Variants in KCNIP4 observed in about 807,000 individuals in gnomAD.
KCNIP4 encodes potassium voltage-gated channel interacting protein 4.
KCNIP4 carries 12 observed loss-of-function variants against 34.0 expected under a neutral mutation model. The ratio of observed to expected loss-of-function variants is 0.35; its 90% CI spans 0.23 to 0.57. KCNIP4 has a LOEUF of 0.57. Among genes scored for constraint, KCNIP4 ranks in the 20% least tolerant of loss-of-function variants. The pLI, the probability that KCNIP4 is intolerant of heterozygous loss-of-function variation, is 0.83. For missense variants in KCNIP4, 238 were observed against 311.7 expected (o/e 0.76, Z 1.78); for synonymous variants, 124 against 102.2 (o/e 1.21, Z -1.29).
At position 21,559,855 on chromosome 4, in the gene KCNIP4, C is replaced by G. The variant is rs1003486014; in HGVS notation, c.61+388716G>C. ...ATCTCTTACTACTTCTATTCTTTCT[C>G]CCATTCTCTCACATGAATAATATCT... On this transcript the variant is annotated intron_variant, in intron 1 of 8. Transcript: ENST00000382152. Among the ~76,000 whole-genome samples the G allele has an allele frequency of 2.0e-5, 3 of 152,084 alleles. No individual in the cohort carries two copies. The South Asian group carries it at 6.2e-4, about 32-fold the overall frequency.
chr4:21,102,752 G>A (rs948487784), intron 1 of KCNIP4, among the ~76,000 whole-genome samples: 3 of 152,172 alleles, frequency 2.0e-5, no homozygotes, highest in Admixed American at 6.5e-5. Flanking sequence ...AACAGTGGCT[G>A]TAAACAAAGC....
At chr4:20,942,923 C>G (rs1281266316) in intron 1 of KCNIP4, among the ~76,000 whole-genome samples, 1 of 152,104 alleles carries the variant, frequency 6.6e-6, no homozygotes, top group Non-Finnish European at 1.5e-5. Context: ...CCACCTGCCT[C>G]GGCCTCTCAA....
At chr4:21,065,305 G>T (rs1216604383) in intron 1 of KCNIP4, among the ~76,000 whole-genome samples, 1 of 152,010 alleles carries the variant, frequency 6.6e-6, no homozygotes, top group African/African-American at 2.4e-5. Flanking sequence ...TGAGTATCTG[G>T]CACAGCCTTG....
At chr4:20,832,734 A>G (rs1718573340) in intron 3 of KCNIP4, among the ~76,000 whole-genome samples, 1 of 152,014 alleles carries the variant, frequency 6.6e-6, no homozygotes, top group African/African-American at 2.4e-5. Context: ...TTTAAAAAAA[A>G]AAAAAAAGGT....
At chr4:21,013,732 C>T (rs1364841196) in intron 1 of KCNIP4, among the ~76,000 whole-genome samples, 3 of 152,080 alleles carry the variant, frequency 2.0e-5, no homozygotes, top group Admixed American at 6.5e-5. Context: ...TATTCTGTGC[C>T]TGAAATTGGA....
At chr4:21,232,832 A>T (rs1179389748) in intron 1 of KCNIP4, among the ~76,000 whole-genome samples, 1 of 152,184 alleles carries the variant, frequency 6.6e-6, no homozygotes, top group African/African-American at 2.4e-5. Context: ...GCAATATGAT[A>T]TCTGTGTACA....
chr4:21,774,836 C>T (rs533606912), intron 1 of KCNIP4, among the ~76,000 whole-genome samples: 1 of 152,244 alleles, frequency 6.6e-6, no homozygotes, highest in East Asian at 1.9e-4. Context: ...TTCTAATTAG[C>T]AATTCATCTA....
intron 1 of KCNIP4, among the ~76,000 whole-genome samples, chr4:21,634,698 T>C (rs1018284396): frequency 6.6e-6 from 1 of 152,196 alleles, no homozygotes. Flanking sequence ...TAAGGAGACA[T>C]ATAAGCCATC....
rs192450010 is a variant in KCNIP4 at position 21,520,887 on chromosome 4, C to T, written c.61+427684G>A. On this transcript the variant is annotated intron_variant, in intron 1 of 8. Transcript: ENST00000382152. ...CTTTTATGTGGGGAAAATGTATGCT[C>T]TTAAGGCATATAAAGATACCGGAGC... is the stretch of plus-strand genomic sequence containing the variant. Among the ~76,000 whole-genome samples the T allele has an allele frequency of 4.6e-5, 7 of 152,226 alleles. No individual in the cohort carries two copies. The East Asian group carries it at 1.2e-3, about 25-fold the overall frequency.
chr4:21,140,894 C>A (rs1751900551), intron 1 of KCNIP4, among the ~76,000 whole-genome samples: 1 of 152,198 alleles, frequency 6.6e-6, no homozygotes, highest in African/African-American at 2.4e-5. Context: ...TCCCCTGCAG[C>A]CTGCCTCTGT....
chr4:21,261,962 G>A (rs1302102300), intron 1 of KCNIP4, among the ~76,000 whole-genome samples: 1 of 152,100 alleles, frequency 6.6e-6, no homozygotes, highest in Non-Finnish European at 1.5e-5. Flanking sequence ...GCAACTGACT[G>A]CAATCTGAAT....
intron 1 of KCNIP4, among the ~76,000 whole-genome samples, chr4:21,246,290 C>T (rs1283553725): frequency 6.6e-6 from 1 of 152,202 alleles, no homozygotes; most frequent in Non-Finnish European, 1.5e-5. Flanking sequence ...GCTTCTCTCT[C>T]TCCTGAGTCC....
At chr4:21,757,163 GAAA>G (rs1717634332) in intron 1 of KCNIP4, among the ~76,000 whole-genome samples, 2 of 53,044 alleles carry the variant, frequency 3.8e-5, no homozygotes, top group South Asian at 7.2e-4. Flanking sequence ...AAGAAAGAAA[GAAA>G]GAAGGAAGGA....
At chr4:21,147,082 G>A (rs2109230488) in intron 1 of KCNIP4, among the ~76,000 whole-genome samples, 1 of 152,268 alleles carries the variant, frequency 6.6e-6, no homozygotes, top group South Asian at 2.1e-4. Flanking sequence ...AAAAGTGCCT[G>A]TGTCCTCTGG....
In KCNIP4 at chr4:21,002,984, T is replaced by TTGAG. The variant is rs1198935689; in HGVS notation, c.62-120279_62-120276dup. Among the ~76,000 whole-genome samples the TTGAG allele has an allele frequency of 3.3e-5, 5 of 152,308 alleles. No homozygotes were observed. In the East Asian group the frequency reaches 9.7e-4, roughly 29 times the overall value. On this transcript the variant is annotated intron_variant, in intron 1 of 8. Transcript: ENST00000382152. ...AAACATCCCTCACATAATGAAAGATTTGAGTATCATTTTCTGACTGCTCTT... is the reference window on the plus strand; with the variant it reads ...AAACATCCCTCACATAATGAAAGATTTGAGTGAGTATCATTTTCTGACTGCTCTT...
At chr4:21,044,821 C>A (rs1742297999) in intron 1 of KCNIP4, among the ~76,000 whole-genome samples, 1 of 152,194 alleles carries the variant, frequency 6.6e-6, no homozygotes, top group African/African-American at 2.4e-5. Context: ...CCAGGGGAAT[C>A]CTCTTCCACC....
intron 1 of KCNIP4, among the ~76,000 whole-genome samples, chr4:21,600,175 A>T (rs1384177177): frequency 6.6e-6 from 1 of 152,100 alleles, no homozygotes; most frequent in Non-Finnish European, 1.5e-5. Flanking sequence ...TCCCTAAAGG[A>T]GATAAACAAT....
intron 1 of KCNIP4, among the ~76,000 whole-genome samples, chr4:21,747,609 T>C (rs1242292840): frequency 2.0e-5 from 3 of 152,138 alleles, no homozygotes; most frequent in Non-Finnish European, 4.4e-5. Flanking sequence ...AGCTCCAAAT[T>C]GTAAACTTTG....
intron 1 of KCNIP4, among the ~76,000 whole-genome samples, chr4:21,940,322 C>A (rs1362615314): frequency 6.6e-6 from 1 of 152,114 alleles, no homozygotes; most frequent in Non-Finnish European, 1.5e-5. Context: ...AGTAAAAGGT[C>A]AAGTTCAATA....
Sources: allele counts gnomAD v4.1 joint callset (sites outside exome capture counted in the v4.1 genomes callset), GRCh38; gene constraint gnomAD v4.1.1; transcripts MANE v1.5; gene names NCBI Gene and HGNC (gene_info 2026-07-23, HGNC 2026-07-21).